The following LY9 variants were observed in gnomAD, a reference collection of about 807,000 sequenced individuals.
LY9 encodes T-lymphocyte surface antigen Ly-9.
LY9 carries 59 observed loss-of-function variants against 64.6 expected under a neutral mutation model. That is an observed-to-expected ratio of 0.91 (90% CI 0.74 to 1.13). The LOEUF (loss-of-function observed/expected upper bound fraction) is 1.13, where lower values mean the gene tolerates loss of function less well. Ranked by LOEUF, LY9 falls within the 50% of genes most tolerant of loss-of-function variation. The probability of loss-of-function intolerance (pLI) is 0.00; values close to 1 mark genes in which losing one functional copy is unlikely to be tolerated. For synonymous variants in LY9, 281 were observed against 308.5 expected, an observed-to-expected ratio of 0.91 and a Z score of 0.93; for missense variants, 789 against 797.2, an observed-to-expected ratio of 0.99 and a Z score of 0.12.
chr1:160,826,706 C>G (rs1239776834), intron 9 of LY9, among the ~76,000 whole-genome samples: 2 of 152,170 alleles, frequency 1.3e-5, no homozygotes, highest in Non-Finnish European at 2.9e-5. Flanking sequence ...ATAGAATTTG[C>G]TCAGTAAACA....
intron 7 of LY9, among the ~76,000 whole-genome samples, chr1:160,822,728 G>A (rs1668566329): frequency 6.6e-6 from 1 of 152,162 alleles, no homozygotes; most frequent in Non-Finnish European, 1.5e-5. Flanking sequence ...CCATGACAGC[G>A]TTCACAGCAT....
chr1:160,802,302 C>T, intron 2 of LY9: 2 of 990,966 alleles, frequency 2.0e-6, no homozygotes, highest in Non-Finnish European at 2.4e-6. Flanking sequence ...GTCCCGCACA[C>T]TGCACCCATT....
intron 9 of LY9, 28 bp downstream of exon 9, chr1:160,824,277 C>T: frequency 6.2e-7 from 1 of 1,613,784 alleles, no homozygotes; most frequent in Non-Finnish European, 8.5e-7. Flanking sequence ...CTCTGTATCC[C>T]AAGGCCCACA....
rs60603957 is a variant in LY9 at position 160,824,979 on chromosome 1, C to CAAAAAAA, written c.1899+746_1899+752dup. ...TGGGCAACAGAACAAGACTCCATCT[C>CAAAAAAA]AAAAAAAAAAAAAAAAAAAAAATTC... is the stretch of plus-strand genomic sequence containing the variant. On this transcript the variant is annotated intron_variant, in intron 9 of 9. Transcript: ENST00000263285. Among the ~76,000 whole-genome samples, 21 of 59,430 alleles carry CAAAAAAA rather than the reference C, an allele frequency of 3.5e-4. No individual in the cohort carries two copies. The South Asian group carries it at 6.2e-3, about 18-fold the overall frequency. 39.0% of individuals were successfully genotyped at this position (59,430 alleles called of 152,430 possible). A position where few individuals can be genotyped will look rare whatever the true frequency, so the allele number is the denominator to read the frequency against.
Position 160,814,679 on chromosome 1 carries a change from G to A in LY9, c.990G>A (p.Glu330=). 6.2e-7 allele frequency: 1 copy of A among 1,614,186 alleles called. No homozygotes were observed. Among genetic ancestry groups the A allele is most frequent in the Non-Finnish European group, 8.5e-7 (1 of 1,180,022 alleles). ...CSLKISQLKI[E]DAGPYHAYVC... is the part of the protein sequence containing the mutation. ...TGAAGATCAGCCAGCTGAAGATAGA[G>A]GACGCCGGCCCCTACCATGCCTACG... The change falls in exon 4 of 10, where the codon GAG becomes GAA. Residue 330 remains glutamate, a synonymous_variant. Coordinates refer to ENST00000263285, the MANE Select transcript of LY9 (RefSeq NM_002348.4).
intron 2 of LY9, among the ~76,000 whole-genome samples, chr1:160,805,954 T>C (rs1666955826): frequency 6.8e-6 from 1 of 147,986 alleles, no homozygotes; most frequent in African/African-American, 2.5e-5. Flanking sequence ...TGTTTTTGAC[T>C]TAAAGTTTGT....
rs1234934844 is a variant in LY9, at chr1:160,799,986, A to C, written c.358A>C (p.Asn120His). ...GTGGAGTTACTCCCTGTGCATCAGCAATCTGACTCTGAATGATGCAGGATC... is the reference window on the plus strand; with the variant it reads ...GTGGAGTTACTCCCTGTGCATCAGCCATCTGACTCTGAATGATGCAGGATC... ...TKWSYSLCIS[N>H]LTLNDAGSYK... Residue 120 changes from asparagine to histidine, a missense_variant, in exon 2 of 10, where the codon AAT becomes CAT. By Grantham distance (68) the Asn-to-His change is moderately conservative. Coordinates refer to ENST00000263285, the MANE Select transcript of LY9 (RefSeq NM_002348.4). 1 of 1,614,192 alleles carries C rather than the reference A, an allele frequency of 6.2e-7. No homozygotes were observed. Among genetic ancestry groups the C allele is most frequent in the South Asian group, 1.1e-5 (1 of 91,080 alleles).
intron 7 of LY9, 103 bp from the exon 8 acceptor site, chr1:160,823,362 G>A: frequency 1.3e-6 from 1 of 783,026 alleles, no homozygotes; most frequent in African/African-American, 1.7e-5. Flanking sequence ...GGTTCTCTAG[G>A]CCTCATCTAA....
intron 4 of LY9, chr1:160,814,974 C>G: frequency 1.7e-6 from 1 of 580,442 alleles, no homozygotes; most frequent in African/African-American, 1.9e-5. Flanking sequence ...GTGCCCCTGG[C>G]TCTAGGCTGC....
chr1:160,813,412 A>G, intron 2 of LY9: 1 of 570,864 alleles, frequency 1.8e-6, no homozygotes, highest in Non-Finnish European at 3.1e-6. Flanking sequence ...AGAAGTAATC[A>G]GACTATTAGT....
chr1:160,799,629 CA>C (rs1666249796), intron 1 of LY9, 123 bp from the exon 2 acceptor site: 1 of 659,524 alleles, frequency 1.5e-6, no homozygotes, highest in East Asian at 2.6e-5. Flanking sequence ...AGAAGGAGGA[CA>C]AGAATCTCAT....
intron 7 of LY9, among the ~76,000 whole-genome samples, chr1:160,821,165 A>AAAAAAAAAAAC: frequency 6.7e-6 from 1 of 150,090 alleles, no homozygotes; most frequent in African/African-American, 2.5e-5. Flanking sequence ...AAAAAAAAAA[A>AAAAAAAAAAAC]AAAACCATAT....
chr1:160,816,959 G>A (rs1379924221), intron 5 of LY9, 96 bp downstream of exon 5: 4 of 1,244,584 alleles, frequency 3.2e-6, no homozygotes, highest in Non-Finnish European at 3.4e-6. Context: ...GTAAGAGGCT[G>A]TGGGTGAGAG....
intron 3 of LY9, 125 bp from the exon 4 acceptor site, chr1:160,814,295 G>A: frequency 1.4e-6 from 1 of 733,346 alleles, no homozygotes; most frequent in South Asian, 1.8e-5. Flanking sequence ...CCCCTCAGAG[G>A]AGGAGGCCAG....
chr1:160,811,602 T>G (rs1397852611), intron 2 of LY9: 1 of 152,150 alleles, frequency 6.6e-6, no homozygotes, highest in Non-Finnish European at 1.5e-5. Flanking sequence ...AATTTATCAC[T>G]TAAACATTCT....
At position 160,816,755 on chromosome 1, in the gene LY9, C is replaced by T. The variant is rs1557810076; in HGVS notation, c.1234C>T (p.Leu412Phe). ...EAVVSQGESH[L>F]NVSWRSSENH... ...TGTTGTGTCCCAAGGGGAATCACAC[C>T]TCAATGTCTCATGGAGAAGCAGTGA... The change falls in exon 5 of 10, where the codon CTC (leucine) becomes TTC (phenylalanine). Residue 412 changes from leucine (L) to phenylalanine (F), a missense_variant. Leu to Phe is a conservative substitution (Grantham distance 22, BLOSUM62 0). Coordinates refer to ENST00000263285, the MANE Select transcript of LY9 (RefSeq NM_002348.4). 3 of 1,614,214 alleles carry T rather than the reference C, an allele frequency of 1.9e-6. No homozygotes were observed. Among genetic ancestry groups the T allele is most frequent in the East Asian group, 2.2e-5 (1 of 44,894 alleles).
At chr1:160,824,659 A>G in intron 9 of LY9, 2 of 982,186 alleles carry the variant, frequency 2.0e-6, no homozygotes, top group Non-Finnish European at 2.4e-6. Context: ...ACCACCACCT[A>G]CAGTACATTA....
At chr1:160,804,751 G>C (rs1041785035) in intron 2 of LY9, among the ~76,000 whole-genome samples, 2 of 152,096 alleles carry the variant, frequency 1.3e-5, no homozygotes, top group Non-Finnish European at 2.9e-5. Context: ...TTTTATTACA[G>C]ATTAATTTCA....
chr1:160,803,288 A>C (rs1436589666), intron 2 of LY9, among the ~76,000 whole-genome samples: 1 of 127,940 alleles, frequency 7.8e-6, no homozygotes, highest in Admixed American at 7.6e-5. Context: ...GTCTAAAAAA[A>C]AATTTTTTTT....
Sources: allele counts gnomAD v4.1 joint callset (sites outside exome capture counted in the v4.1 genomes callset), GRCh38; gene constraint gnomAD v4.1.1; transcripts MANE v1.5; gene names NCBI Gene and HGNC (gene_info 2026-07-23, HGNC 2026-07-21).